NLGN1: variants seen among roughly 807,000 people sequenced by gnomAD.
NLGN1 encodes neuroligin 1, also known as neuroligin-1.
A neutral mutation model predicts 65.5 loss-of-function variants in NLGN1; 12 were observed. The ratio of observed to expected loss-of-function variants is 0.18; its 90% CI spans 0.12 to 0.30. The LOEUF (loss-of-function observed/expected upper bound fraction) is 0.30. Among genes scored for constraint, NLGN1 ranks in the 10% least tolerant of loss-of-function variants. The probability of loss-of-function intolerance (pLI) is 1.00; values close to 1 mark genes in which losing one functional copy is unlikely to be tolerated. For missense variants in NLGN1, 750 were observed against 1,007.1 expected (o/e 0.74, Z 3.46); for synonymous variants, 350 against 359.5 (o/e 0.97, Z 0.30).
chr3:173,706,637 G>A (rs1240663036), intron 3 of NLGN1, among the ~76,000 whole-genome samples: 1 of 152,128 alleles, frequency 6.6e-6, no homozygotes, highest in East Asian at 1.9e-4. Flanking sequence ...TAACAGGTTG[G>A]TGGTCTTTTC....
the NLGN1 span, among the ~76,000 whole-genome samples, chr3:174,292,443 T>C: frequency 5.3e-5 from 8 of 151,316 alleles, no homozygotes; most frequent in African/African-American, 1.7e-4. Context: ...GATACGACAG[T>C]GTGAGCATCA....
chr3:174,252,855 A>C (rs1745024439), intron 4 of NLGN1, among the ~76,000 whole-genome samples: 1 of 152,192 alleles, frequency 6.6e-6, no homozygotes, highest in Non-Finnish European at 1.5e-5. Flanking sequence ...CCACGGTGAG[A>C]TTGCAGGAAG....
At chr3:174,225,281 C>T (rs1453526687) in intron 4 of NLGN1, among the ~76,000 whole-genome samples, 2 of 152,126 alleles carry the variant, frequency 1.3e-5, no homozygotes, top group Non-Finnish European at 2.9e-5. Flanking sequence ...TTCCAGGGAT[C>T]TCATGTAAAG....
At chr3:173,980,337 A>T (rs189132323) in intron 4 of NLGN1, among the ~76,000 whole-genome samples, 41 of 152,070 alleles carry the variant, frequency 2.7e-4, no homozygotes, top group African/African-American at 9.2e-4. Context: ...ATCATAGTAT[A>T]TATAAAATAT....
At chr3:173,716,866 C>A (rs73880552) in intron 3 of NLGN1, among the ~76,000 whole-genome samples, 2 of 151,986 alleles carry the variant, frequency 1.3e-5, no homozygotes, top group South Asian at 2.1e-4. Context: ...ATGAAGATAT[C>A]GTAGCAACTG....
chr3:173,705,162 T>A (rs1767865447), intron 3 of NLGN1, among the ~76,000 whole-genome samples: 1 of 152,160 alleles, frequency 6.6e-6, no homozygotes, highest in Non-Finnish European at 1.5e-5. Context: ...ACATTTTTTT[T>A]TTAACTGAAA....
intron 4 of NLGN1, among the ~76,000 whole-genome samples, chr3:174,112,315 T>A (rs947121931): frequency 5.9e-5 from 9 of 151,922 alleles, no homozygotes; most frequent in Admixed American, 2.6e-4. Flanking sequence ...ATTAAAAATT[T>A]CTCTTTATTA....
At chr3:173,409,992 A>G (rs540462060) in intron 1 of NLGN1, among the ~76,000 whole-genome samples, 1 of 152,310 alleles carries the variant, frequency 6.6e-6, no homozygotes, top group South Asian at 2.1e-4. Context: ...AAGGGGTGAC[A>G]CAAATGAGCA....
intron 2 of NLGN1, among the ~76,000 whole-genome samples, chr3:173,576,535 A>G (rs1420959470): frequency 1.3e-5 from 2 of 152,156 alleles, no homozygotes; most frequent in Admixed American, 1.3e-4. Context: ...CTAAGCTAAG[A>G]GTGTAGCATC....
At chr3:173,649,676 T>C (rs939228807) in intron 3 of NLGN1, among the ~76,000 whole-genome samples, 1 of 152,092 alleles carries the variant, frequency 6.6e-6, no homozygotes, top group Non-Finnish European at 1.5e-5. Flanking sequence ...CAGGCAACTA[T>C]AATCACACAC....
intron 1 of NLGN1, among the ~76,000 whole-genome samples, chr3:173,402,388 A>C (rs1174533159): frequency 6.6e-6 from 1 of 152,132 alleles, no homozygotes; most frequent in Non-Finnish European, 1.5e-5. Context: ...AAGTTCGTTG[A>C]ATGCAAATTT....
At chr3:173,686,468 A>G (rs1480219703) in intron 3 of NLGN1, among the ~76,000 whole-genome samples, 4 of 152,256 alleles carry the variant, frequency 2.6e-5, no homozygotes, top group African/African-American at 4.8e-5. Flanking sequence ...AATGGGAAGA[A>G]AATAAGGGAA....
chr3:173,796,002 A>G (rs1713977699), intron 3 of NLGN1, among the ~76,000 whole-genome samples: 1 of 152,096 alleles, frequency 6.6e-6, no homozygotes. Context: ...GCTCTAAATA[A>G]TCCTAAAAAA....
At chr3:173,657,192 T>C (rs750523064) in intron 3 of NLGN1, among the ~76,000 whole-genome samples, 2 of 152,026 alleles carry the variant, frequency 1.3e-5, no homozygotes, top group African/African-American at 4.8e-5. Context: ...AATAAAAGCC[T>C]TAAATTCTGG....
intron 4 of NLGN1, among the ~76,000 whole-genome samples, chr3:174,017,654 C>G (rs988232278): frequency 6.6e-6 from 1 of 152,052 alleles, no homozygotes; most frequent in Non-Finnish European, 1.5e-5. Flanking sequence ...GGGGAGACAT[C>G]ACATGTTGGC....
chr3:174,131,053 A>G (rs1720079730), intron 4 of NLGN1, among the ~76,000 whole-genome samples: 1 of 152,154 alleles, frequency 6.6e-6, no homozygotes. Context: ...TGAATGTATC[A>G]ATTATCTATT....
chr3:173,680,489 G>A (rs1207204443), intron 3 of NLGN1, among the ~76,000 whole-genome samples: 2 of 152,112 alleles, frequency 1.3e-5, no homozygotes, highest in Non-Finnish European at 2.9e-5. Context: ...TTGAAGTGTA[G>A]CCAGTCATCA....
rs572723385 is a variant in NLGN1, at chr3:173,660,107, C to T, written c.493+55016C>T. Among the ~76,000 whole-genome samples the T allele has an allele frequency of 1.7e-3, 25 of 14,974 alleles. No homozygotes were observed. The East Asian group carries it at 0.16, about 99-fold the overall frequency. 9.8% of individuals were successfully genotyped at this position (14,974 alleles called of 152,430 possible). ...CTAGTAAAATGAGTGGTTATTCTTGCTATTCGTAGAGACAGCGGAGGCAGG... is the reference window on the plus strand; with the variant it reads ...CTAGTAAAATGAGTGGTTATTCTTGTTATTCGTAGAGACAGCGGAGGCAGG... On this transcript the variant is annotated intron_variant, in intron 3 of 6. Coordinates refer to ENST00000457714, the Ensembl canonical transcript of NLGN1.
chr3:173,453,948 G>A (rs1434275793), intron 2 of NLGN1, among the ~76,000 whole-genome samples: 4 of 152,146 alleles, frequency 2.6e-5, no homozygotes, highest in Non-Finnish European at 5.9e-5. Flanking sequence ...TTATCAATCT[G>A]TCTATAGCCT....
Sources: allele counts gnomAD v4.1 joint callset (sites outside exome capture counted in the v4.1 genomes callset), GRCh38; gene constraint gnomAD v4.1.1; transcripts MANE v1.5; gene names NCBI Gene and HGNC (gene_info 2026-07-23, HGNC 2026-07-21).